GPR149: variants seen among roughly 807,000 people sequenced by gnomAD.
GPR149 encodes the protein probable G protein-coupled receptor 149.
Under a neutral mutation model 50.2 loss-of-function variants are expected in GPR149, and 50 were observed. The observed-to-expected ratio is 1.00, with a 90% CI of 0.79 to 1.26. GPR149 has a LOEUF of 1.26. Ranked by LOEUF, GPR149 falls within the 50% of genes most tolerant of loss-of-function variation. GPR149 has a pLI of 0.00. For missense variants in GPR149, 983 were observed against 895.4 expected, an observed-to-expected ratio of 1.10 and a Z score of -1.25; for synonymous variants, 405 against 358.2, an observed-to-expected ratio of 1.13 and a Z score of -1.48.
intron 3 of GPR149, among the ~76,000 whole-genome samples, chr3:154,417,200 A>G (rs962148662): frequency 2.0e-5 from 3 of 152,016 alleles, no homozygotes; most frequent in Non-Finnish European, 2.9e-5. Context: ...GTTTCTTACT[A>G]TTTCTTCTGA....
intron 3 of GPR149, among the ~76,000 whole-genome samples, chr3:154,366,313 G>C (rs182692381): frequency 6.6e-6 from 1 of 152,108 alleles, no homozygotes; most frequent in Non-Finnish European, 1.5e-5. Context: ...AACCTACTCT[G>C]GTACAGCATT....
At chr3:154,362,731 CTTA>C (rs1264541260) in intron 3 of GPR149, among the ~76,000 whole-genome samples, 1 of 152,024 alleles carries the variant, frequency 6.6e-6, no homozygotes, top group Non-Finnish European at 1.5e-5. Context: ...CACCAATACA[CTTA>C]TTATTATATT....
At chr3:154,409,326 A>G (rs780912634) in intron 3 of GPR149, among the ~76,000 whole-genome samples, 8 of 152,150 alleles carry the variant, frequency 5.3e-5, no homozygotes, top group Non-Finnish European at 8.8e-5. Context: ...AGTTTCTTTA[A>G]CACCCTGAAA....
chr3:154,424,881 CAA>C (rs564951442), intron 2 of GPR149, among the ~76,000 whole-genome samples: 16 of 127,824 alleles, frequency 1.3e-4, no homozygotes, highest in Admixed American at 1.6e-4. Context: ...ATCATTTTGT[CAA>C]AAAAAAAAAA....
intron 3 of GPR149, among the ~76,000 whole-genome samples, chr3:154,397,728 C>A (rs751052468): frequency 5.3e-5 from 8 of 152,108 alleles, no homozygotes; most frequent in Admixed American, 2.0e-4. Flanking sequence ...ACTGTGACAT[C>A]ATTGAATGCA....
At chr3:154,399,958 CGT>C (rs1711509747) in intron 3 of GPR149, among the ~76,000 whole-genome samples, 1 of 152,054 alleles carries the variant, frequency 6.6e-6, no homozygotes, top group Admixed American at 6.6e-5. Context: ...TTATCATATA[CGT>C]GTGTCAATAA....
At chr3:154,338,722 C>T (rs1016048072) in intron 3 of GPR149, among the ~76,000 whole-genome samples, 3 of 151,620 alleles carry the variant, frequency 2.0e-5, no homozygotes, top group Non-Finnish European at 4.4e-5. Context: ...GTTTAGTATG[C>T]CAAAGTAAAT....
chr3:154,399,168 G>A (rs970629864), intron 3 of GPR149, among the ~76,000 whole-genome samples: 1 of 152,016 alleles, frequency 6.6e-6, no homozygotes, highest in Non-Finnish European at 1.5e-5. Flanking sequence ...ACGTCTGGAG[G>A]AGGTTGAGAA....
intron 2 of GPR149, among the ~76,000 whole-genome samples, chr3:154,424,429 A>G (rs1712236529): frequency 6.6e-6 from 1 of 151,910 alleles, no homozygotes; most frequent in African/African-American, 2.4e-5. Context: ...TGAATAACAT[A>G]TGATTTCAAA....
intron 2 of GPR149, among the ~76,000 whole-genome samples, chr3:154,423,277 T>G (rs922323076): frequency 6.6e-6 from 1 of 151,876 alleles, no homozygotes; most frequent in African/African-American, 2.4e-5. Context: ...AAAAACGTAT[T>G]GATTCTATTT....
At chr3:154,407,697 C>CACACACACACACACACAT (rs1711733987) in intron 3 of GPR149, among the ~76,000 whole-genome samples, 1 of 151,146 alleles carries the variant, frequency 6.6e-6, no homozygotes, top group Non-Finnish European at 1.5e-5. Context: ...TGTGTATACA[C>CACACACACACACACACAT]ACACACACAC....
rs932722963 is a variant in GPR149 at position 154,352,148 on chromosome 3, C to G, written c.1624-13877G>C. On this transcript the variant is annotated intron_variant, in intron 3 of 3. Transcript: ENST00000389740. Reference sequence around the variant, plus strand: ...AAGTATCAAATATTCAGTCAAAACTCCATTTGTGGCCCCCACTTCTTGATC... The same window carrying G: ...AAGTATCAAATATTCAGTCAAAACTGCATTTGTGGCCCCCACTTCTTGATC... 1.2e-5 allele frequency: 9 copies of G among 749,802 alleles called. No homozygotes were observed. In the African/African-American group the frequency reaches 1.6e-4, roughly 13 times the overall value. 46.4% of individuals were successfully genotyped at this position (749,802 alleles called of 1,614,324 possible).
chr3:154,389,837 C>T (rs1352230908), intron 3 of GPR149, among the ~76,000 whole-genome samples: 1 of 152,196 alleles, frequency 6.6e-6, no homozygotes, highest in African/African-American at 2.4e-5. Context: ...AGTAAGTTAA[C>T]ACATGCCACA....
intron 3 of GPR149, among the ~76,000 whole-genome samples, chr3:154,340,283 T>C (rs1348005739): frequency 6.6e-6 from 1 of 152,212 alleles, no homozygotes; most frequent in Non-Finnish European, 1.5e-5. Flanking sequence ...TACACTATAA[T>C]GTTCAGTCCA....
chr3:154,357,196 G>A (rs1203206751), intron 3 of GPR149, among the ~76,000 whole-genome samples: 1 of 152,056 alleles, frequency 6.6e-6, no homozygotes, highest in Non-Finnish European at 1.5e-5. Context: ...ATGGATTAAA[G>A]ACTTAAATGT....
intron 3 of GPR149, among the ~76,000 whole-genome samples, chr3:154,399,511 T>C (rs1178009441): frequency 6.6e-6 from 1 of 152,186 alleles, no homozygotes; most frequent in Admixed American, 6.5e-5. Context: ...AGTCTAAGCT[T>C]GTAATCCTTC....
intron 3 of GPR149, among the ~76,000 whole-genome samples, chr3:154,359,595 C>T (rs2108394373): frequency 6.6e-6 from 1 of 152,284 alleles, no homozygotes; most frequent in Admixed American, 6.5e-5. Context: ...TTTTCATAGA[C>T]CTCTCCACAA....
At chr3:154,353,995 G>A (rs1480011776) in intron 3 of GPR149, 1 of 472,842 alleles carries the variant, frequency 2.1e-6, no homozygotes, top group Non-Finnish European at 4.0e-6. Flanking sequence ...AACTATCTAA[G>A]GATGATACTT....
At position 154,338,081 on chromosome 3, in the gene GPR149, T is replaced by C. The variant is rs772154030; in HGVS notation, c.1814A>G (p.Asp605Gly). 1 of 1,614,134 alleles carries C rather than the reference T, an allele frequency of 6.2e-7. No homozygotes were observed. Among genetic ancestry groups the C allele is most frequent in the South Asian group, 1.1e-5 (1 of 91,080 alleles). The change falls in exon 4 of 4, where the codon GAT becomes GGT. Residue 605 changes from aspartate (D) to glycine (G), a missense_variant. Coordinates refer to ENST00000389740, the MANE Select transcript of GPR149 (RefSeq NM_001038705.3). ...KSVGHEPNSE[D>G]SSSTFVDTSV... ...GGTGTCCACAAACGTGGATGAAGAATCTTCTGAGTTTGGTTCATGGCCAAC... is the reference window on the plus strand; with the variant it reads ...GGTGTCCACAAACGTGGATGAAGAACCTTCTGAGTTTGGTTCATGGCCAAC...
Sources: gnomAD v4.1 joint callset for allele counts (sites outside exome capture counted in the v4.1 genomes callset) on GRCh38, gnomAD v4.1.1 for gene constraint, MANE v1.5 for transcripts, NCBI Gene and HGNC (gene_info 2026-07-23, HGNC 2026-07-21) for gene names.